TIPARP: variants seen among roughly 807,000 people sequenced by gnomAD.
TIPARP encodes TCDD inducible poly(ADP-ribose) polymerase, also known as protein mono-ADP-ribosyltransferase TIPARP.
In TIPARP, 12 loss-of-function variants were observed where a neutral mutation model predicts 56.5. The observed-to-expected ratio is 0.21, with a 90% CI of 0.14 to 0.34. The LOEUF (loss-of-function observed/expected upper bound fraction) is 0.34. Among genes scored for constraint, TIPARP ranks in the 10% least tolerant of loss-of-function variants. TIPARP has a pLI of 1.00. For missense variants in TIPARP, 604 were observed against 781.6 expected, an observed-to-expected ratio of 0.77 and a Z score of 2.71; for synonymous variants, 296 against 265.7, an observed-to-expected ratio of 1.11 and a Z score of -1.11.
chr3:156,681,041 A>C, intron 2 of TIPARP: 1 of 424,698 alleles, frequency 2.4e-6, no homozygotes, highest in Non-Finnish European at 4.7e-6. Flanking sequence ...TAAGTGTCAA[A>C]AATTAGGCTT....
At position 156,705,298 on chromosome 3, in the gene TIPARP, G is replaced by T; in HGVS notation, c.*167G>T. On this transcript the variant is annotated 3_prime_UTR_variant, in exon 6 of 6. Transcript: ENST00000295924. ...TGCTTTTTTTAAAAAAAAAATACAAGTTTTAAAATGACCACTTACTCTTTA... is the reference window on the plus strand; with the variant it reads ...TGCTTTTTTTAAAAAAAAAATACAATTTTTAAAATGACCACTTACTCTTTA... 1 of 563,256 alleles carries T rather than the reference G, an allele frequency of 1.8e-6. No homozygotes were observed. Among genetic ancestry groups the T allele is most frequent in the South Asian group, 2.5e-5 (1 of 39,636 alleles). 34.9% of individuals were successfully genotyped at this position (563,256 alleles called of 1,614,324 possible). A position where few individuals can be genotyped will look rare whatever the true frequency, so the allele number is the denominator to read the frequency against.
chr3:156,678,611 A>ATGG lies in TIPARP; in HGVS notation c.915_917dup (p.Gly307dup). 6.2e-7 allele frequency: 1 copy of ATGG among 1,609,752 alleles called. No individual in the cohort carries two copies. Among genetic ancestry groups the ATGG allele is most frequent in the Admixed American group, 1.7e-5 (1 of 59,574 alleles). ...GAAAATGATAGAATGAGAATGAAGT[A>ATGG]TGGGTATGTATTTATAACAACTTGT... On this transcript the variant is annotated inframe_insertion, in exon 2 of 6. Coordinates refer to ENST00000295924, the MANE Select transcript of TIPARP (RefSeq NM_015508.5).
rs1188346646 is a variant in TIPARP at position 156,678,115 on chromosome 3, C to A, written c.418C>A (p.His140Asn). 5 of 1,614,006 alleles carry A rather than the reference C, an allele frequency of 3.1e-6. No homozygotes were observed. Among genetic ancestry groups the A allele is most frequent in the Non-Finnish European group, 4.2e-6 (5 of 1,180,048 alleles). The change falls in exon 2 of 6, where the codon CAC becomes AAC. Residue 140 changes from histidine to asparagine, a missense_variant. Physicochemically the swap from His to Asn is moderately conservative, Grantham distance 68. This residue lies in a region of TIPARP where 261 missense variants were observed against 279.2 expected (regional missense o/e 0.93). Transcript: ENST00000295924. ...AGAACGAGTGGTTCCAATCCAAGAT[C>A]ACAGCTTTCCATCAGAAACCCTCAG... The part of the protein sequence containing the change: ...APERVVPIQD[H>N]SFPSETLSGT...
chr3:156,695,583 C>T (rs985610986), intron 3 of TIPARP, among the ~76,000 whole-genome samples: 2 of 151,938 alleles, frequency 1.3e-5, no homozygotes, highest in African/African-American at 4.8e-5. Context: ...AACGAAAACT[C>T]TCTATGATAT....
Position 156,694,013 on chromosome 3 carries a change from T to C in TIPARP, c.918-7T>C. 1 of 1,575,146 alleles carries C rather than the reference T, an allele frequency of 6.3e-7. No homozygotes were observed. The highest frequency in any genetic ancestry group is 8.6e-7 in the Non-Finnish European group (1 of 1,167,976). On this transcript the variant is annotated splice_polypyrimidine_tract_variant and splice_region_variant and intron_variant, in intron 2 of 5. Transcript: ENST00000295924. ...TTTGGGTTTTTTTTGTTTTTGTTTTTTTTTAGAGGACAAGAATTTTGGGCA... is the reference window on the plus strand; with the variant it reads ...TTTGGGTTTTTTTTGTTTTTGTTTTCTTTTAGAGGACAAGAATTTTGGGCA...
intron 1 of TIPARP, 95 bp from the exon 2 acceptor site, chr3:156,677,562 G>A: frequency 1.3e-6 from 1 of 791,520 alleles, no homozygotes; most frequent in Non-Finnish European, 1.9e-6. Flanking sequence ...TGGTTTCAGG[G>A]AATCAGTCAG....
At chr3:156,692,659 T>G (rs1418352109) in intron 2 of TIPARP, among the ~76,000 whole-genome samples, 3 of 152,268 alleles carry the variant, frequency 2.0e-5, no homozygotes, top group Admixed American at 2.0e-4. Flanking sequence ...GTTATATGGT[T>G]GTTTTTTCAG....
chr3:156,698,108 G>A (rs760139348), intron 4 of TIPARP, among the ~76,000 whole-genome samples: 21 of 152,264 alleles, frequency 1.4e-4, no homozygotes, highest in Admixed American at 2.0e-4. Flanking sequence ...AGCCTAATCC[G>A]GAGCAAGGCC....
chr3:156,692,355 T>G (rs1722597354), intron 2 of TIPARP, among the ~76,000 whole-genome samples: 1 of 152,150 alleles, frequency 6.6e-6, no homozygotes, highest in Non-Finnish European at 1.5e-5. Context: ...TGTTTTTTTG[T>G]TTTGTCGTGT....
At chr3:156,675,016 C>T (rs1030156499) in intron 1 of TIPARP, 11 of 152,452 alleles carry the variant, frequency 7.2e-5, no homozygotes, top group African/African-American at 2.4e-4. Context: ...GCACTTAGAG[C>T]CTGTGGCAGG....
intron 2 of TIPARP, among the ~76,000 whole-genome samples, chr3:156,691,637 T>C (rs995515193): frequency 3.3e-5 from 5 of 152,170 alleles, no homozygotes; most frequent in Non-Finnish European, 5.9e-5. Flanking sequence ...ATTGCACACA[T>C]TTATGCTGAT....
intron 2 of TIPARP, among the ~76,000 whole-genome samples, chr3:156,690,894 C>T (rs543681248): frequency 9.9e-5 from 15 of 152,142 alleles, no homozygotes; most frequent in Admixed American, 7.9e-4. Context: ...GTCTCTCTTG[C>T]TCAGTTTCCA....
At chr3:156,677,267 C>T (rs1722154482) in intron 1 of TIPARP, among the ~76,000 whole-genome samples, 1 of 152,110 alleles carries the variant, frequency 6.6e-6, no homozygotes, top group Non-Finnish European at 1.5e-5. Context: ...TAAAGAGAAC[C>T]GCAAAGCTGA....
chr3:156,703,746 G>C (rs774145907), intron 5 of TIPARP, 44 bp downstream of exon 5: 1 of 1,559,604 alleles, frequency 6.4e-7, no homozygotes, highest in South Asian at 1.2e-5. Context: ...GGGCGCAGTG[G>C]CTCAAGCCTG....
chr3:156,695,630 G>C (rs7609776), intron 3 of TIPARP, among the ~76,000 whole-genome samples: 5,817 of 151,924 alleles, frequency 0.038, 380 homozygotes, highest in African/African-American at 0.13. Context: ...AGTTCCCTGG[G>C]CCCCACATGT....
In TIPARP at chr3:156,705,445, A is replaced by G. The variant is rs1485012537; in HGVS notation, c.*314A>G. 5.4e-6 allele frequency: 1 copy of G among 183,596 alleles called. No individual in the cohort carries two copies. The highest frequency in any genetic ancestry group is 1.4e-4 in the East Asian group (1 of 6,914). 11.4% of individuals were successfully genotyped at this position (183,596 alleles called of 1,614,324 possible). On this transcript the variant is annotated 3_prime_UTR_variant, in exon 6 of 6. Transcript: ENST00000295924. ...GGAGCATTAAATTAAAAAACTGAAC[A>G]GCCTAATTTAAATGTGGCTTGGGCC...
At chr3:156,696,578 T>A (rs763711378) in intron 4 of TIPARP, among the ~76,000 whole-genome samples, 7 of 152,338 alleles carry the variant, frequency 4.6e-5, no homozygotes, top group Non-Finnish European at 8.8e-5. Flanking sequence ...AGTTTCTTAA[T>A]GTAAGGTTAG....
intron 2 of TIPARP, among the ~76,000 whole-genome samples, chr3:156,689,677 G>A (rs780663095): frequency 6.6e-6 from 1 of 152,198 alleles, no homozygotes; most frequent in Non-Finnish European, 1.5e-5. Flanking sequence ...ATCCAGTCCA[G>A]TTTTATCCCT....
intron 3 of TIPARP, 74 bp from the exon 4 acceptor site, chr3:156,695,791 T>C (rs1722696672): frequency 6.8e-7 from 1 of 1,475,494 alleles, no homozygotes; most frequent in Admixed American, 2.7e-5. Flanking sequence ...TTGCCTTTGG[T>C]TAATTTTCAT....
Sources: gnomAD v4.1 joint callset for allele counts (sites outside exome capture counted in the v4.1 genomes callset) on GRCh38, gnomAD v4.1.1 for gene constraint, gnomAD v4.1.1 regional missense constraint, MANE v1.5 for transcripts, NCBI Gene and HGNC (gene_info 2026-07-23, HGNC 2026-07-21) for gene names.